Variants in PIK3C2G observed in about 807,000 individuals in gnomAD.
PIK3C2G encodes phosphatidylinositol-4-phosphate 3-kinase catalytic subunit type 2 gamma, also known as phosphatidylinositol 3-kinase C2 domain-containing subunit gamma.
PIK3C2G carries 168 observed loss-of-function variants against 181.1 expected under a neutral mutation model. The observed-to-expected ratio is 0.93, with a 90% confidence interval of 0.82 to 1.05. PIK3C2G has a LOEUF of 1.05. PIK3C2G is among the 50% of genes least tolerant of loss of function. The pLI is 0.00. For missense variants in PIK3C2G, 1,869 were observed against 1,732.8 expected, an observed-to-expected ratio of 1.08 and a Z score of -1.40; for synonymous variants, 573 against 592.2, an observed-to-expected ratio of 0.97 and a Z score of 0.47.
intron 25 of PIK3C2G, among the ~76,000 whole-genome samples, chr12:18,544,009 G>A (rs1394011398): frequency 6.6e-6 from 1 of 151,748 alleles, no homozygotes; most frequent in Non-Finnish European, 1.5e-5. Flanking sequence ...GAAAGAAGTA[G>A]AACCAAAATA....
At chr12:18,448,536 T>G (rs1197418622) in intron 18 of PIK3C2G, among the ~76,000 whole-genome samples, 2 of 152,102 alleles carry the variant, frequency 1.3e-5, no homozygotes, top group African/African-American at 4.8e-5. Context: ...TCCCTTTACC[T>G]ACATTGCCCC....
intron 18 of PIK3C2G, among the ~76,000 whole-genome samples, chr12:18,480,515 G>A (rs1939451888): frequency 6.6e-6 from 1 of 152,104 alleles, no homozygotes; most frequent in Non-Finnish European, 1.5e-5. Context: ...TAGCCTTGAG[G>A]TAGGAGGCAA....
At chr12:18,581,862 C>A in intron 29 of PIK3C2G, among the ~76,000 whole-genome samples, 1 of 152,080 alleles carries the variant, frequency 6.6e-6, no homozygotes, top group East Asian at 1.9e-4. Flanking sequence ...CTAGACTGTG[C>A]AGAACCCCAA....
chr12:18,719,364 GAGGT>G, the PIK3C2G span: 1 of 913,884 alleles, frequency 1.1e-6, no homozygotes, highest in South Asian at 2.7e-5. Flanking sequence ...CTTGCCTACT[GAGGT>G]AGACACTGCC....
chr12:18,725,049 C>T, the PIK3C2G span, among the ~76,000 whole-genome samples: 1 of 151,958 alleles, frequency 6.6e-6, no homozygotes, highest in East Asian at 1.9e-4. Flanking sequence ...GATATAAGTC[C>T]AAACAAAATT....
At chr12:18,609,168 G>A (rs1948209606) in intron 30 of PIK3C2G, among the ~76,000 whole-genome samples, 1 of 152,042 alleles carries the variant, frequency 6.6e-6, no homozygotes, top group South Asian at 2.1e-4. Flanking sequence ...CAGGTTCACT[G>A]ATTTCTAAAG....
intron 1 of PIK3C2G, among the ~76,000 whole-genome samples, chr12:18,252,006 GA>G (rs1948099922): frequency 1.3e-5 from 2 of 151,866 alleles, no homozygotes. Flanking sequence ...GTTTTTTCCA[GA>G]AAAGACATAT....
chr12:18,300,807 A>G (rs1275440879), intron 5 of PIK3C2G, among the ~76,000 whole-genome samples: 1 of 151,712 alleles, frequency 6.6e-6, no homozygotes, highest in African/African-American at 2.4e-5. Context: ...TTATACTTTC[A>G]TGTGCTTTCA....
chr12:18,681,871 G>A, the PIK3C2G span, among the ~76,000 whole-genome samples: 1 of 151,932 alleles, frequency 6.6e-6, no homozygotes, highest in Non-Finnish European at 1.5e-5. Flanking sequence ...GAACTCTCTT[G>A]TAAAACTCGC....
intron 31 of PIK3C2G, among the ~76,000 whole-genome samples, chr12:18,638,091 T>C (rs1349383662): frequency 6.6e-6 from 1 of 152,166 alleles, no homozygotes; most frequent in Non-Finnish European, 1.5e-5. Context: ...AAAACTCAAG[T>C]AATTATTTTG....
intron 24 of PIK3C2G, among the ~76,000 whole-genome samples, chr12:18,518,073 C>G (rs1435275249): frequency 2.0e-5 from 3 of 152,166 alleles, no homozygotes; most frequent in Non-Finnish European, 4.4e-5. Flanking sequence ...CCTTGCACCC[C>G]AGGGATGAAG....
At chr12:18,723,957 G>A in the PIK3C2G span, among the ~76,000 whole-genome samples, 1 of 152,098 alleles carries the variant, frequency 6.6e-6, no homozygotes, top group Non-Finnish European at 1.5e-5. Flanking sequence ...TGCAGAAGCT[G>A]TAGTAGTTAT....
chr12:18,705,277 G>C, the PIK3C2G span: 1 of 1,614,092 alleles, frequency 6.2e-7, no homozygotes, highest in South Asian at 1.1e-5. Context: ...CAGTGGAGCA[G>C]TGATTTTCTA....
intron 10 of PIK3C2G, among the ~76,000 whole-genome samples, chr12:18,345,525 A>G (rs1409147409): frequency 6.6e-6 from 1 of 152,204 alleles, no homozygotes; most frequent in Non-Finnish European, 1.5e-5. Flanking sequence ...TGAGGCACAG[A>G]CAGGATGTGG....
chr12:18,302,374 A>G (rs1950210717), intron 5 of PIK3C2G, among the ~76,000 whole-genome samples: 1 of 152,182 alleles, frequency 6.6e-6, no homozygotes, highest in Non-Finnish European at 1.5e-5. Flanking sequence ...CCAATCCCTA[A>G]GTCCCCCAGT....
intron 29 of PIK3C2G, among the ~76,000 whole-genome samples, chr12:18,580,557 G>T (rs1946445607): frequency 1.3e-5 from 2 of 152,160 alleles, no homozygotes; most frequent in Non-Finnish European, 2.9e-5. Flanking sequence ...CAGGATAAAT[G>T]TCATATGTGT....
intron 8 of PIK3C2G, 48 bp downstream of exon 8, chr12:18,325,146 C>A: frequency 9.7e-7 from 1 of 1,027,796 alleles, no homozygotes; most frequent in Non-Finnish European, 1.5e-6. Flanking sequence ...GCGTTTTTAA[C>A]GCATCTACTA....
chr12:18,712,345 T>C, the PIK3C2G span, among the ~76,000 whole-genome samples: 1 of 152,138 alleles, frequency 6.6e-6, no homozygotes, highest in African/African-American at 2.4e-5. Context: ...AATAACTATA[T>C]CGTTGAATCT....
intron 25 of PIK3C2G, 145 bp downstream of exon 25, chr12:18,538,457 A>G: frequency 1.6e-6 from 1 of 618,578 alleles, no homozygotes; most frequent in East Asian, 2.8e-5. Context: ...ACCATTGTAC[A>G]GCTTATAAAC....
Sources: gnomAD v4.1 joint callset for allele counts (sites outside exome capture counted in the v4.1 genomes callset) on GRCh38, gnomAD v4.1.1 for gene constraint, MANE v1.5 for transcripts, NCBI Gene and HGNC (gene_info 2026-07-23, HGNC 2026-07-21) for gene names.